The following VPS13B variants were observed in gnomAD, a reference collection of about 807,000 sequenced individuals.
The protein encoded by VPS13B is intermembrane lipid transfer protein VPS13B.
VPS13B carries 285 observed loss-of-function variants against 426.4 expected under a neutral mutation model. The observed-to-expected ratio is 0.67, with a 90% CI of 0.61 to 0.74. The LOEUF is 0.74. VPS13B is among the 30% of genes least tolerant of loss of function. The probability of loss-of-function intolerance (pLI) is 0.00; values close to 1 mark genes in which losing one functional copy is unlikely to be tolerated. For synonymous variants in VPS13B, 1,676 were observed against 1,676.4 expected, an observed-to-expected ratio of 1.00 and a Z score of 0.01; for missense variants, 4,537 against 4,782.6, an observed-to-expected ratio of 0.95 and a Z score of 1.51.
chr8:99,595,630 TA>T (rs1307946756), intron 33 of VPS13B, among the ~76,000 whole-genome samples: 2 of 152,060 alleles, frequency 1.3e-5, no homozygotes, highest in East Asian at 1.9e-4. Context: ...AATGGAACTT[TA>T]AAAACCCTGA....
intron 30 of VPS13B, among the ~76,000 whole-genome samples, chr8:99,554,911 G>A (rs1824475936): frequency 6.6e-6 from 1 of 152,008 alleles, no homozygotes; most frequent in South Asian, 2.1e-4. Flanking sequence ...CAGTTCTTGA[G>A]TTTGTATAAA....
chr8:99,572,549 C>A (rs1338456825), intron 31 of VPS13B, among the ~76,000 whole-genome samples: 3 of 151,600 alleles, frequency 2.0e-5, no homozygotes, highest in Non-Finnish European at 2.9e-5. Context: ...TGAGAACATT[C>A]GGTGTTTGGT....
chr8:99,640,743 ATGTC>A (rs1829325684), intron 33 of VPS13B, among the ~76,000 whole-genome samples: 1 of 152,228 alleles, frequency 6.6e-6, no homozygotes, highest in African/African-American at 2.4e-5. Context: ...GTACATTAGC[ATGTC>A]AACATTTGAG....
chr8:99,193,399 T>C (rs1402006486), intron 17 of VPS13B, among the ~76,000 whole-genome samples: 2 of 152,134 alleles, frequency 1.3e-5, no homozygotes, highest in Non-Finnish European at 2.9e-5. Context: ...ATTATACTGG[T>C]AAAATGAAAT....
chr8:99,138,875 C>T (rs565134466), intron 12 of VPS13B, among the ~76,000 whole-genome samples: 1 of 152,194 alleles, frequency 6.6e-6, no homozygotes, highest in Non-Finnish European at 1.5e-5. Flanking sequence ...TAGTAGTTAC[C>T]TTTTAAGCAA....
At chr8:99,597,764 C>T (rs191380914) in intron 33 of VPS13B, among the ~76,000 whole-genome samples, 1 of 152,064 alleles carries the variant, frequency 6.6e-6, no homozygotes, top group East Asian at 1.9e-4. Flanking sequence ...GCAAAATAAA[C>T]CTAAACAGTT....
intron 19 of VPS13B, among the ~76,000 whole-genome samples, chr8:99,316,143 A>G (rs936137396): frequency 5.3e-5 from 8 of 152,266 alleles, no homozygotes; most frequent in Admixed American, 2.0e-4. Context: ...TTGCAACTGG[A>G]GAATGCCTGC....
At chr8:99,418,448 A>G (rs1035964645) in intron 21 of VPS13B, among the ~76,000 whole-genome samples, 98 of 148,692 alleles carry the variant, frequency 6.6e-4, no homozygotes, top group Admixed American at 3.4e-3. Context: ...TTAACACTTT[A>G]TCATAGTTTT....
chr8:99,632,804 A>T (rs1023191006), intron 33 of VPS13B, among the ~76,000 whole-genome samples: 2 of 152,014 alleles, frequency 1.3e-5, no homozygotes, highest in African/African-American at 2.4e-5. Flanking sequence ...CAGTTTAAAT[A>T]TGATCTATAC....
At chr8:99,834,158 A>T (rs998336198) in intron 52 of VPS13B, among the ~76,000 whole-genome samples, 2 of 152,158 alleles carry the variant, frequency 1.3e-5, no homozygotes, top group African/African-American at 2.4e-5. Flanking sequence ...AGCATTATTG[A>T]CCCCTTTTAG....
chr8:99,245,139 C>T (rs1817147833), intron 17 of VPS13B, among the ~76,000 whole-genome samples: 1 of 152,138 alleles, frequency 6.6e-6, no homozygotes, highest in Non-Finnish European at 1.5e-5. Flanking sequence ...AGAACACAGT[C>T]CTCAGTGTCA....
intron 29 of VPS13B, among the ~76,000 whole-genome samples, chr8:99,517,524 A>T (rs1394584594): frequency 6.6e-6 from 1 of 152,190 alleles, no homozygotes; most frequent in African/African-American, 2.4e-5. Flanking sequence ...AAAATTGAAC[A>T]TTCTACTATT....
chr8:99,429,042 A>G lies in VPS13B; in HGVS notation c.3083-2495A>G, dbSNP rs148397400. On this transcript the variant is annotated intron_variant, in intron 21 of 61. Coordinates refer to ENST00000357162, the MANE Select transcript of VPS13B (RefSeq NM_152564.5). ...AACTAACGCAAGGACAAAAAACCAAACACAGCATATTCTCACTCATAGGTG... is the reference window on the plus strand; with the variant it reads ...AACTAACGCAAGGACAAAAAACCAAGCACAGCATATTCTCACTCATAGGTG... Among the ~76,000 whole-genome samples the G allele has an allele frequency of 9.9e-3, 1,514 of 152,224 alleles. 34 individuals are homozygous for G. Among genetic ancestry groups the G allele is most frequent in the African/African-American group, 0.035 (1,452 of 41,542 alleles).
intron 19 of VPS13B, among the ~76,000 whole-genome samples, chr8:99,329,115 C>T (rs970922864): frequency 3.3e-5 from 5 of 152,026 alleles, no homozygotes; most frequent in African/African-American, 1.2e-4. Context: ...TCTAAGATTC[C>T]TTCCAGTTGG....
chr8:99,280,978 C>G (rs1819141527), intron 19 of VPS13B, among the ~76,000 whole-genome samples: 1 of 152,146 alleles, frequency 6.6e-6, no homozygotes, highest in African/African-American at 2.4e-5. Flanking sequence ...TGTTCAGAGA[C>G]AAGTCTCTAT....
At chr8:99,402,119 A>G (rs920115899) in intron 21 of VPS13B, among the ~76,000 whole-genome samples, 1 of 152,212 alleles carries the variant, frequency 6.6e-6, no homozygotes, top group African/African-American at 2.4e-5. Flanking sequence ...CCTGTGGTGC[A>G]GATTCACTGT....
chr8:99,825,077 C>T (rs1287767250), intron 51 of VPS13B, among the ~76,000 whole-genome samples: 1 of 152,114 alleles, frequency 6.6e-6, no homozygotes, highest in Non-Finnish European at 1.5e-5. Context: ...ATTTATATTC[C>T]TTTGGGTATA....
intron 33 of VPS13B, among the ~76,000 whole-genome samples, chr8:99,584,023 G>A (rs185087349): frequency 1.9e-4 from 29 of 152,166 alleles, no homozygotes; most frequent in Middle Eastern, 3.4e-3. Flanking sequence ...TCCTTTCAGA[G>A]GCACCTGGAT....
At chr8:99,245,123 T>C (rs568642918) in intron 17 of VPS13B, among the ~76,000 whole-genome samples, 1 of 152,348 alleles carries the variant, frequency 6.6e-6, no homozygotes, top group Admixed American at 6.5e-5. Flanking sequence ...TATAACATAG[T>C]GTTTAAGAAC....
Sources: gnomAD v4.1 joint callset for allele counts (sites outside exome capture counted in the v4.1 genomes callset) on GRCh38, gnomAD v4.1.1 for gene constraint, MANE v1.5 for transcripts, NCBI Gene and HGNC (gene_info 2026-07-23, HGNC 2026-07-21) for gene names.